The following LRP1B variants were observed in gnomAD, a reference collection of about 807,000 sequenced individuals.
The protein encoded by LRP1B is low-density lipoprotein receptor-related protein 1B.
In LRP1B, 217 loss-of-function variants were observed where a neutral mutation model predicts 556.6. The ratio of observed to expected loss-of-function variants is 0.39; its 90% CI spans 0.35 to 0.44. The LOEUF (loss-of-function observed/expected upper bound fraction) is 0.44. Ranked by LOEUF, LRP1B falls within the 20% of genes least tolerant of loss-of-function variation. The pLI is 1.00. For synonymous variants in LRP1B, 2,047 were observed against 1,865.8 expected, an observed-to-expected ratio of 1.10 and a Z score of -2.50; for missense variants, 5,053 against 5,620.8, an observed-to-expected ratio of 0.90 and a Z score of 3.23.
chr2:140,450,101 T>C (rs1402752728), intron 63 of LRP1B, among the ~76,000 whole-genome samples: 2 of 152,186 alleles, frequency 1.3e-5, no homozygotes, highest in Non-Finnish European at 2.9e-5. Context: ...ATGATTTATA[T>C]TGGAAAAATC....
intron 55 of LRP1B, among the ~76,000 whole-genome samples, chr2:140,500,037 C>T (rs1220185107): frequency 6.6e-6 from 1 of 151,842 alleles, no homozygotes; most frequent in Non-Finnish European, 1.5e-5. Flanking sequence ...ATATTTACTG[C>T]CAACATTAAT....
chr2:140,981,237 A>T (rs1696760233), intron 18 of LRP1B, among the ~76,000 whole-genome samples: 1 of 152,070 alleles, frequency 6.6e-6, no homozygotes, highest in Non-Finnish European at 1.5e-5. Context: ...TACCTCCAAA[A>T]CTATTGGAAT....
intron 2 of LRP1B, among the ~76,000 whole-genome samples, chr2:141,596,356 A>C (rs1197390465): frequency 6.6e-6 from 1 of 152,070 alleles, no homozygotes; most frequent in Non-Finnish European, 1.5e-5. Flanking sequence ...ATGGGAAAAT[A>C]CTGCTTTTTC....
intron 1 of LRP1B, among the ~76,000 whole-genome samples, chr2:141,955,195 T>C (rs1433507505): frequency 6.6e-6 from 1 of 152,150 alleles, no homozygotes; most frequent in African/African-American, 2.4e-5. Context: ...TGTAAGTCTG[T>C]ACTAAATACT....
intron 1 of LRP1B, among the ~76,000 whole-genome samples, chr2:141,963,380 C>T (rs1701461786): frequency 6.6e-6 from 1 of 151,806 alleles, no homozygotes; most frequent in Admixed American, 6.6e-5. Flanking sequence ...TATAGTAAGA[C>T]AAGATGTGAC....
intron 20 of LRP1B, among the ~76,000 whole-genome samples, chr2:140,929,758 A>T (rs1415620949): frequency 9.5e-6 from 1 of 105,700 alleles, no homozygotes; most frequent in African/African-American, 4.9e-5. Flanking sequence ...ATATAGACTC[A>T]CACACACACA....
At chr2:140,707,643 A>G (rs1455123177) in intron 37 of LRP1B, among the ~76,000 whole-genome samples, 1 of 152,124 alleles carries the variant, frequency 6.6e-6, no homozygotes, top group Non-Finnish European at 1.5e-5. Flanking sequence ...ATATTTTATG[A>G]GTACATGATT....
chr2:141,878,911 A>G (rs575454021), intron 1 of LRP1B, among the ~76,000 whole-genome samples: 3 of 152,094 alleles, frequency 2.0e-5, no homozygotes, highest in Admixed American at 2.0e-4. Flanking sequence ...GGTGTCATTA[A>G]TAACAAGCTT....
intron 3 of LRP1B, among the ~76,000 whole-genome samples, chr2:141,436,162 C>T (rs1264393782): frequency 6.6e-6 from 1 of 152,094 alleles, no homozygotes; most frequent in East Asian, 1.9e-4. Context: ...TCAAGGTGTA[C>T]ATGATGATTT....
intron 1 of LRP1B, among the ~76,000 whole-genome samples, chr2:142,060,918 T>C (rs887928246): frequency 6.6e-6 from 1 of 152,030 alleles, no homozygotes; most frequent in Admixed American, 6.6e-5. Context: ...CCTAATGCAC[T>C]GACAATTAGA....
chr2:141,267,856 G>C (rs186670747), intron 3 of LRP1B, among the ~76,000 whole-genome samples: 136 of 152,296 alleles, frequency 8.9e-4, no homozygotes, highest in African/African-American at 2.7e-3. Flanking sequence ...GATGGAGGTA[G>C]TAGTAGCAGT....
At position 142,019,967 on chromosome 2, in the gene LRP1B, T is replaced by C. The variant is rs185035724; in HGVS notation, c.82+110681A>G. On this transcript the variant is annotated intron_variant, in intron 1 of 90. Coordinates refer to ENST00000389484, the MANE Select transcript of LRP1B (RefSeq NM_018557.3). ...GCTACAATTTCTAATTACTTCCCCC[T>C]GTTTTATTTTTTCCATTGCCATGAA... Among the ~76,000 whole-genome samples the C allele has an allele frequency of 5.3e-5, 8 of 152,310 alleles. No individual in the cohort carries two copies. In the East Asian group the frequency reaches 1.4e-3, roughly 26 times the overall value.
intron 35 of LRP1B, among the ~76,000 whole-genome samples, chr2:140,730,013 G>C (rs1281220486): frequency 6.6e-6 from 1 of 152,114 alleles, no homozygotes; most frequent in African/African-American, 2.4e-5. Flanking sequence ...GCAAACTAAA[G>C]ATCTGAGAGG....
intron 7 of LRP1B, among the ~76,000 whole-genome samples, chr2:141,145,919 T>C (rs1255191737): frequency 9.0e-6 from 1 of 111,724 alleles, no homozygotes; most frequent in East Asian, 2.7e-4. Flanking sequence ...TCTTTCTTTC[T>C]TTCTTTTTTT....
chr2:141,845,412 G>A (rs1196571649), intron 1 of LRP1B, among the ~76,000 whole-genome samples: 1 of 151,910 alleles, frequency 6.6e-6, no homozygotes, highest in Non-Finnish European at 1.5e-5. Flanking sequence ...AGTTTATTTA[G>A]GCAAATGCAT....
chr2:140,612,963 G>C (rs965352840), intron 41 of LRP1B, among the ~76,000 whole-genome samples: 1 of 150,806 alleles, frequency 6.6e-6, no homozygotes, highest in Non-Finnish European at 1.5e-5. Flanking sequence ...CTTGACTTGG[G>C]GATTTATTTG....
intron 1 of LRP1B, among the ~76,000 whole-genome samples, chr2:142,076,038 C>T (rs187044727): frequency 3.5e-4 from 53 of 152,248 alleles, no homozygotes; most frequent in African/African-American, 1.1e-3. Context: ...CCCCCTCCCA[C>T]GTTATCACCC....
intron 1 of LRP1B, among the ~76,000 whole-genome samples, chr2:142,123,456 A>G (rs1323215570): frequency 6.6e-6 from 1 of 151,984 alleles, no homozygotes; most frequent in African/African-American, 2.4e-5. Context: ...GATCTTACCT[A>G]AAGAAGAAAC....
chr2:141,953,692 C>A (rs1353796934), intron 1 of LRP1B, among the ~76,000 whole-genome samples: 2 of 152,148 alleles, frequency 1.3e-5, no homozygotes, highest in Non-Finnish European at 2.9e-5. Flanking sequence ...CCAGGAAAAT[C>A]TTTCAAATTT....
Sources: allele counts gnomAD v4.1 joint callset (sites outside exome capture counted in the v4.1 genomes callset), GRCh38; gene constraint gnomAD v4.1.1; transcripts MANE v1.5; gene names NCBI Gene and HGNC (gene_info 2026-07-23, HGNC 2026-07-21).